The following RBPMS variants were observed in gnomAD, a reference collection of about 807,000 sequenced individuals.
RBPMS encodes the protein RNA-binding protein with multiple splicing.
Under a neutral mutation model 26.8 loss-of-function variants are expected in RBPMS, and 7 were observed. The ratio of observed to expected loss-of-function variants is 0.26; its 90% CI spans 0.15 to 0.49. RBPMS has a LOEUF of 0.49. RBPMS is among the 20% of genes least tolerant of loss of function. RBPMS has a pLI of 0.98. For missense variants in RBPMS, 186 were observed against 250.0 expected, an observed-to-expected ratio of 0.74 and a Z score of 1.73; for synonymous variants, 96 against 93.3, an observed-to-expected ratio of 1.03 and a Z score of -0.17.
chr8:30,545,453 T>C, intron 6 of RBPMS: 2 of 1,008,934 alleles, frequency 2.0e-6, no homozygotes, highest in Non-Finnish European at 2.4e-6. Flanking sequence ...TGATGACCAG[T>C]AACAAATAGA....
At chr8:30,423,027 G>C (rs2150630609) in intron 1 of RBPMS, among the ~76,000 whole-genome samples, 1 of 152,324 alleles carries the variant, frequency 6.6e-6, no homozygotes, top group South Asian at 2.1e-4. Context: ...AAGTGGGGTT[G>C]AGAACCAGGA....
chr8:30,544,920 A>G, intron 6 of RBPMS: 1 of 1,478,764 alleles, frequency 6.8e-7, no homozygotes, highest in Non-Finnish European at 8.9e-7. Context: ...CCTGGCTCCC[A>G]GCTAGCTAGA....
At chr8:30,453,529 T>C (rs996814410) in intron 1 of RBPMS, 1 of 152,202 alleles carries the variant, frequency 6.6e-6, no homozygotes, top group Non-Finnish European at 1.5e-5. Context: ...TCTTATTACA[T>C]TATTCACAGT....
chr8:30,549,173 A>G (rs1826092779), intron 6 of RBPMS, among the ~76,000 whole-genome samples: 1 of 152,222 alleles, frequency 6.6e-6, no homozygotes, highest in South Asian at 2.1e-4. Context: ...CTGGGGCCCC[A>G]GGGACATGGC....
chr8:30,541,588 G>T (rs1352775148), intron 5 of RBPMS, among the ~76,000 whole-genome samples: 1 of 152,092 alleles, frequency 6.6e-6, no homozygotes. Context: ...GCTTACTGGG[G>T]CCTGGCTCAC....
chr8:30,509,252 C>T (rs759896352), intron 5 of RBPMS, among the ~76,000 whole-genome samples: 1 of 152,122 alleles, frequency 6.6e-6, no homozygotes. Flanking sequence ...TTCCTTCCTC[C>T]CTTCTTCCCT....
chr8:30,549,542 G>C lies in RBPMS; in HGVS notation c.528+4918G>C, dbSNP rs372153715. On this transcript the variant is annotated intron_variant, in intron 6 of 8. Coordinates refer to ENST00000397323, the MANE Select transcript of RBPMS (RefSeq NM_001008710.3). ...TGTGAGGAGAAGCCACCCCTTGAGC[G>C]CTCCGTCTCCTGATAGTGCCAGCCT... The C allele has an allele frequency of 2.4e-5, 38 of 1,614,010 alleles. No individual in the cohort carries two copies. Among genetic ancestry groups the C allele is most frequent in the Admixed American group, 1.0e-4 (6 of 60,004 alleles).
At chr8:30,563,866 C>G (rs956838081) in intron 7 of RBPMS, among the ~76,000 whole-genome samples, 1 of 152,202 alleles carries the variant, frequency 6.6e-6, no homozygotes, top group African/African-American at 2.4e-5. Flanking sequence ...CCATGTCATG[C>G]TATCACACTG....
chr8:30,448,770 A>G (rs1814178564), intron 1 of RBPMS, among the ~76,000 whole-genome samples: 1 of 152,238 alleles, frequency 6.6e-6, no homozygotes, highest in African/African-American at 2.4e-5. Context: ...GGCGACAGAA[A>G]TAGAATGTAG....
chr8:30,547,398 A>G, intron 6 of RBPMS: 1 of 1,606,354 alleles, frequency 6.2e-7, no homozygotes, highest in Non-Finnish European at 8.5e-7. Flanking sequence ...CCTACTGCAG[A>G]CCAGCAGAGG....
At position 30,441,977 on chromosome 8, in the gene RBPMS, A is replaced by T. The variant is rs542775775; in HGVS notation, c.67-32802A>T. Among the ~76,000 whole-genome samples the T allele has an allele frequency of 7.8e-4, 118 of 151,766 alleles. 1 individual carries two copies. Among genetic ancestry groups the T allele is most frequent in the African/African-American group, 2.7e-3 (111 of 41,356 alleles). ...GCTAATTTTTTTATTTTTAGTAGAG[A>T]CGGGGTTTCACCATGTTAGCCAGGA... On this transcript the variant is annotated intron_variant, in intron 1 of 8. Coordinates refer to ENST00000397323, the MANE Select transcript of RBPMS (RefSeq NM_001008710.3).
intron 5 of RBPMS, among the ~76,000 whole-genome samples, chr8:30,521,647 A>G (rs1433218344): frequency 6.6e-6 from 1 of 152,200 alleles, no homozygotes; most frequent in African/African-American, 2.4e-5. Flanking sequence ...TCATGTGGGC[A>G]TAATGTCCTC....
intron 1 of RBPMS, among the ~76,000 whole-genome samples, chr8:30,388,160 T>C (rs1458720003): frequency 6.6e-6 from 1 of 152,140 alleles, no homozygotes; most frequent in Admixed American, 6.5e-5. Flanking sequence ...CTGTAAAGAC[T>C]AACCAGTTGT....
At chr8:30,556,680 T>C in intron 6 of RBPMS, 3 of 985,950 alleles carry the variant, frequency 3.0e-6, no homozygotes, top group South Asian at 4.7e-5. Flanking sequence ...CCACCTGCCA[T>C]GGGGGCTCTG....
intron 6 of RBPMS, among the ~76,000 whole-genome samples, chr8:30,554,639 G>T (rs1377711089): frequency 6.6e-6 from 1 of 152,130 alleles, no homozygotes; most frequent in African/African-American, 2.4e-5. Flanking sequence ...TGGGGGGCTG[G>T]TTACAGTGTC....
At chr8:30,471,175 T>C (rs2150815544) in intron 1 of RBPMS, among the ~76,000 whole-genome samples, 1 of 152,290 alleles carries the variant, frequency 6.6e-6, no homozygotes, top group South Asian at 2.1e-4. Context: ...ACACATACTA[T>C]AAGATAAATT....
intron 1 of RBPMS, among the ~76,000 whole-genome samples, chr8:30,454,845 CAG>C (rs1349902072): frequency 2.6e-5 from 4 of 152,112 alleles, no homozygotes; most frequent in Non-Finnish European, 4.4e-5. Flanking sequence ...TTTTTTGAGA[CAG>C]AGTCTTACTC....
At chr8:30,460,930 G>A (rs1272891716) in intron 1 of RBPMS, among the ~76,000 whole-genome samples, 3 of 151,914 alleles carry the variant, frequency 2.0e-5, no homozygotes, top group Non-Finnish European at 4.4e-5. Flanking sequence ...ATATACTTGT[G>A]GTCCCAGCCA....
chr8:30,508,989 C>T (rs2150949001), intron 5 of RBPMS, among the ~76,000 whole-genome samples: 1 of 152,284 alleles, frequency 6.6e-6, no homozygotes, highest in African/African-American at 2.4e-5. Flanking sequence ...TATCAAAAGG[C>T]TCCAGAACTC....
Sources: gnomAD v4.1 joint callset for allele counts (sites outside exome capture counted in the v4.1 genomes callset) on GRCh38, gnomAD v4.1.1 for gene constraint, MANE v1.5 for transcripts, NCBI Gene and HGNC (gene_info 2026-07-23, HGNC 2026-07-21) for gene names.